The following ILDR2 variants were observed in gnomAD, a reference collection of about 807,000 sequenced individuals.
ILDR2 encodes immunoglobulin-like domain-containing receptor 2.
A neutral mutation model predicts 66.8 loss-of-function variants in ILDR2; 25 were observed. That is an observed-to-expected ratio of 0.37 (90% confidence interval 0.27 to 0.52). ILDR2 has a LOEUF of 0.52. Ranked by LOEUF, ILDR2 falls within the 20% of genes least tolerant of loss-of-function variation. The pLI, the probability that ILDR2 is intolerant of heterozygous loss-of-function variation, is 0.88. For synonymous variants in ILDR2, 367 were observed against 357.2 expected (o/e 1.03, Z -0.31); for missense variants, 827 against 876.8 (o/e 0.94, Z 0.72).
At chr1:166,938,483 A>G (rs543235039) in intron 4 of ILDR2, among the ~76,000 whole-genome samples, 1 of 152,208 alleles carries the variant, frequency 6.6e-6, no homozygotes, top group Non-Finnish European at 1.5e-5. Flanking sequence ...ACAAATGCTT[A>G]CAAATTGAGG....
At chr1:166,963,660 G>A (rs528964582) in intron 1 of ILDR2, among the ~76,000 whole-genome samples, 2 of 152,142 alleles carry the variant, frequency 1.3e-5, no homozygotes, top group South Asian at 4.2e-4. Flanking sequence ...TTCCCTCCAG[G>A]ACAAAATTGA....
At chr1:166,920,165 C>G (rs1166105389) in intron 9 of ILDR2, among the ~76,000 whole-genome samples, 1 of 152,212 alleles carries the variant, frequency 6.6e-6, no homozygotes, top group African/African-American at 2.4e-5. Context: ...GCAGTTTACA[C>G]TCAATAAAAC....
At chr1:166,903,700 T>C (rs981227377), downstream of ILDR2, among the ~76,000 whole-genome samples, 1 of 152,190 alleles carries the variant, frequency 6.6e-6, no homozygotes, top group African/African-American at 2.4e-5. Flanking sequence ...CTGCAGCCTC[T>C]TCAACATCAG....
chr1:166,971,347 C>T (rs1180670751), intron 1 of ILDR2, among the ~76,000 whole-genome samples: 7 of 152,226 alleles, frequency 4.6e-5, no homozygotes, highest in Admixed American at 4.6e-4. Context: ...TGTTTCAGAG[C>T]TGCTGCACCA....
chr1:166,897,679 T>C (rs1194086703), intron 2 of ILDR2, among the ~76,000 whole-genome samples: 1 of 152,204 alleles, frequency 6.6e-6, no homozygotes, highest in Non-Finnish European at 1.5e-5. Flanking sequence ...AGTGCTCAGG[T>C]GAGCCTCCTC....
chr1:166,932,872 A>C lies in ILDR2; in HGVS notation c.880+2429T>G, dbSNP rs1307704957. Among the ~76,000 whole-genome samples, 8 of 152,378 alleles carry C rather than the reference A, an allele frequency of 5.3e-5. 1 individual carries two copies. In the South Asian group the frequency reaches 1.2e-3, roughly 24 times the overall value. ...AATAGGCTAAATTGACATTTTTGTAAATTAACATTTCTTAACATTTTTAAT... is the reference window on the plus strand; with the variant it reads ...AATAGGCTAAATTGACATTTTTGTACATTAACATTTCTTAACATTTTTAAT... On this transcript the variant is annotated intron_variant, in intron 6 of 9. Transcript: ENST00000271417.
intron 2 of ILDR2, among the ~76,000 whole-genome samples, chr1:166,898,837 T>C (rs527771991): frequency 7.1e-4 from 107 of 151,450 alleles, no homozygotes; most frequent in Non-Finnish European, 1.2e-3. Context: ...AAGTGGTAGA[T>C]TGCTTGAAGC....
intron 3 of ILDR2, among the ~76,000 whole-genome samples, chr1:166,954,262 A>G (rs908541704): frequency 1.3e-5 from 2 of 152,216 alleles, no homozygotes; most frequent in Non-Finnish European, 2.9e-5. Context: ...GGTCTCACAT[A>G]AAAAGAATAC....
At chr1:166,901,924 G>C (rs533269710) in intron 2 of ILDR2, among the ~76,000 whole-genome samples, 5 of 152,206 alleles carry the variant, frequency 3.3e-5, no homozygotes, top group Non-Finnish European at 7.3e-5. Context: ...GCAGTGGCGT[G>C]ATCTCGGCTC....
At chr1:166,943,898 T>C (rs577706814) in intron 3 of ILDR2, 6 of 934,186 alleles carry the variant, frequency 6.4e-6, no homozygotes, top group Non-Finnish European at 6.4e-6. Context: ...TTTACTCTTT[T>C]CAAACCACAG....
chr1:166,944,240 CTT>C (rs1661487399), intron 3 of ILDR2, among the ~76,000 whole-genome samples: 1 of 152,174 alleles, frequency 6.6e-6, no homozygotes, highest in African/African-American at 2.4e-5. Context: ...CAACTGAACT[CTT>C]TGTACACATT....
chr1:166,919,435 TAAAGA>T (rs772557326), intron 9 of ILDR2, 45 bp from the exon 10 acceptor site: 1 of 1,567,186 alleles, frequency 6.4e-7, no homozygotes, highest in South Asian at 1.1e-5. Context: ...ACATGCTAGT[TAAAGA>T]AAACAACGAA....
intron 4 of ILDR2, among the ~76,000 whole-genome samples, chr1:166,938,872 T>C (rs1186637467): frequency 1.3e-5 from 2 of 152,298 alleles, no homozygotes; most frequent in African/African-American, 2.4e-5. Context: ...ACCAAACTGA[T>C]GTTGGCTTGT....
chr1:166,956,866 A>C lies in ILDR2; in HGVS notation c.380-14T>G. ...GAAGATCTGCATCTGTTATCACAAAAAGAAGGACTCAGTCCTAAAACTCTG... is the reference window on the plus strand; with the variant it reads ...GAAGATCTGCATCTGTTATCACAAACAGAAGGACTCAGTCCTAAAACTCTG... On this transcript the variant is annotated splice_polypyrimidine_tract_variant and intron_variant, in intron 2 of 9. Coordinates refer to ENST00000271417, the MANE Select transcript of ILDR2 (RefSeq NM_199351.3). The C allele has an allele frequency of 6.2e-7, 1 of 1,613,346 alleles. No individual in the cohort carries two copies.
At chr1:166,962,820 A>G (rs1328237454) in intron 1 of ILDR2, among the ~76,000 whole-genome samples, 2 of 152,206 alleles carry the variant, frequency 1.3e-5, no homozygotes, top group African/African-American at 4.8e-5. Flanking sequence ...ATATGTAACT[A>G]TACATTTGAA....
Position 166,920,930 on chromosome 1 carries a change from C to T in ILDR2, c.1661G>A (p.Arg554Gln), listed in dbSNP as rs1439119280. Residue 554 changes from arginine to glutamine, a missense_variant, in exon 9 of 10, where the codon CGG (arginine) becomes CAG (glutamine). By Grantham distance (43) the Arg-to-Gln change is conservative (BLOSUM62 1). Around this residue, in one of 2 missense-constraint regions of ILDR2, gnomAD observed 390 missense variants for 353.6 expected, o/e 1.10. Transcript: ENST00000271417. ...RGGSLETPSK[R>Q]SAQLGPRSAS... ...GCTGCGCGGGCCGAGCTGCGCGCTC[C>T]GCTTGGATGGCGTCTCCAGGCTGCC... is the stretch of plus-strand genomic sequence containing the variant. 1.4e-6 allele frequency: 2 copies of T among 1,481,014 alleles called. No homozygotes were observed. Among genetic ancestry groups the T allele is most frequent in the Non-Finnish European group, 1.8e-6 (2 of 1,124,052 alleles). The allele number at this position is 1,481,014 out of a possible 1,614,324, so 91.7% of individuals were successfully genotyped here. A position where few individuals can be genotyped will look rare whatever the true frequency, so the allele number is the denominator to read the frequency against.
chr1:166,973,088 C>G (rs1387628966), intron 1 of ILDR2, among the ~76,000 whole-genome samples: 1 of 152,072 alleles, frequency 6.6e-6, no homozygotes, highest in African/African-American at 2.4e-5. Flanking sequence ...GAGCAGGGAG[C>G]AGAGGATGAT....
chr1:166,931,953 T>A (rs141113355), intron 6 of ILDR2, among the ~76,000 whole-genome samples: 2,696 of 152,252 alleles, frequency 0.018, 31 homozygotes, highest in Middle Eastern at 0.044. Flanking sequence ...CAGTTGGATA[T>A]ACGGTATTGA....
intron 1 of ILDR2, among the ~76,000 whole-genome samples, chr1:166,963,036 CTT>C (rs1355165808): frequency 6.6e-6 from 1 of 152,140 alleles, no homozygotes; most frequent in African/African-American, 2.4e-5. Flanking sequence ...CACCCTAGCT[CTT>C]TTTTTATAAA....
Sources: allele counts gnomAD v4.1 joint callset (sites outside exome capture counted in the v4.1 genomes callset), GRCh38; gene constraint gnomAD v4.1.1; regional missense constraint gnomAD v4.1.1; transcripts MANE v1.5; gene names NCBI Gene and HGNC (gene_info 2026-07-23, HGNC 2026-07-21).